DNAJC1: variants seen among roughly 807,000 people sequenced by gnomAD.
DNAJC1 encodes dnaJ homolog subfamily C member 1.
A neutral mutation model predicts 76.6 loss-of-function variants in DNAJC1; 58 were observed. That is an observed-to-expected ratio of 0.76 (90% confidence interval 0.61 to 0.94). The LOEUF is 0.94. DNAJC1 is among the 40% of genes least tolerant of loss of function. The pLI is 0.00. For synonymous variants in DNAJC1, 258 were observed against 267.9 expected (o/e 0.96, Z 0.36); for missense variants, 689 against 677.3 (o/e 1.02, Z -0.19).
chr10:21,826,593 A>G (rs1040499899), intron 8 of DNAJC1, among the ~76,000 whole-genome samples: 1 of 152,218 alleles, frequency 6.6e-6, no homozygotes, highest in East Asian at 1.9e-4. Flanking sequence ...AATGTCAAGA[A>G]GCTTTCCTTC....
chr10:21,876,823 C>G (rs2131715886), intron 8 of DNAJC1, among the ~76,000 whole-genome samples: 1 of 152,182 alleles, frequency 6.6e-6, no homozygotes, highest in South Asian at 2.1e-4. Context: ...TTGTAGCAGG[C>G]CAAGGGTTTG....
At chr10:21,979,947 A>G (rs1838126562) in intron 1 of DNAJC1, among the ~76,000 whole-genome samples, 1 of 151,900 alleles carries the variant, frequency 6.6e-6, no homozygotes. Context: ...CAAAAGTCCT[A>G]TGACTTTTGC....
chr10:21,823,457 CTAACT>C (rs1835192214), intron 8 of DNAJC1, among the ~76,000 whole-genome samples: 1 of 152,092 alleles, frequency 6.6e-6, no homozygotes, highest in South Asian at 2.1e-4. Context: ...GTGTTTTTTC[CTAACT>C]TAACATTTAG....
intron 9 of DNAJC1, among the ~76,000 whole-genome samples, chr10:21,786,920 AG>A (rs1834618863): frequency 6.6e-6 from 1 of 152,220 alleles, no homozygotes; most frequent in South Asian, 2.1e-4. Flanking sequence ...TTTACAATAA[AG>A]GAGGGAGTAT....
chr10:21,990,488 C>T (rs1341370984), intron 1 of DNAJC1, among the ~76,000 whole-genome samples: 1 of 152,106 alleles, frequency 6.6e-6, no homozygotes, highest in African/African-American at 2.4e-5. Context: ...TTCAGGGGTA[C>T]TCCAGAAGAC....
At chr10:21,860,575 C>T (rs1835904366) in intron 8 of DNAJC1, among the ~76,000 whole-genome samples, 1 of 151,878 alleles carries the variant, frequency 6.6e-6, no homozygotes, top group African/African-American at 2.4e-5. Flanking sequence ...GCACCTGTAA[C>T]CTCAGCTACT....
At chr10:21,800,272 T>C (rs1464014036) in intron 9 of DNAJC1, among the ~76,000 whole-genome samples, 1 of 152,158 alleles carries the variant, frequency 6.6e-6, no homozygotes, top group Non-Finnish European at 1.5e-5. Context: ...AAAAATGTAG[T>C]GTTTGGTTTT....
rs1837175676 is a variant in DNAJC1 at position 21,929,058 on chromosome 10, T to C, written c.306A>G (p.Ala102=). The C allele has an allele frequency of 6.2e-7, 1 of 1,608,758 alleles. No homozygotes were observed. The highest frequency in any genetic ancestry group is 8.5e-7 in the Non-Finnish European group (1 of 1,177,630). Reference sequence around the variant, plus strand: ...CACTTACTTGTCTAAACTGAGTTTCTGCATTTTCATCTTTATTCTTGTCTG... The same window carrying C: ...CACTTACTTGTCTAAACTGAGTTTCCGCATTTTCATCTTTATTCTTGTCTG... ...LHPDKNKDEN[A]ETQFRQLVAI... The change falls in exon 2 of 12, where the codon GCA becomes GCG. Residue 102 remains alanine, a synonymous_variant. Transcript: ENST00000376980.
At chr10:21,828,961 T>C (rs1203780334) in intron 8 of DNAJC1, among the ~76,000 whole-genome samples, 2 of 152,208 alleles carry the variant, frequency 1.3e-5, no homozygotes, top group African/African-American at 4.8e-5. Context: ...TTTCTTGCCA[T>C]GTATAAAGCT....
At chr10:21,776,135 C>G (rs1673872728) in intron 9 of DNAJC1, among the ~76,000 whole-genome samples, 1 of 152,048 alleles carries the variant, frequency 6.6e-6, no homozygotes, top group African/African-American at 2.4e-5. Flanking sequence ...CTGTAGGTTG[C>G]ATTCCCTCTA....
intron 8 of DNAJC1, among the ~76,000 whole-genome samples, chr10:21,839,199 G>T (rs190450384): frequency 0.012 from 1,772 of 152,240 alleles, 13 homozygotes; most frequent in Middle Eastern, 0.02. Context: ...AACTAGAAAA[G>T]CAAGAGCAAA....
chr10:21,845,863 C>CTT (rs1408018611), intron 8 of DNAJC1, among the ~76,000 whole-genome samples: 1 of 151,692 alleles, frequency 6.6e-6, no homozygotes, highest in African/African-American at 2.4e-5. Context: ...TAATATGCCC[C>CTT]CAGGAAGAAG....
chr10:21,796,900 T>A (rs898742667), intron 9 of DNAJC1, among the ~76,000 whole-genome samples: 1 of 152,208 alleles, frequency 6.6e-6, no homozygotes, highest in Non-Finnish European at 1.5e-5. Context: ...ATGGTTTGTC[T>A]CTTCACTCTG....
chr10:21,761,549 T>TA (rs369792978), intron 10 of DNAJC1, among the ~76,000 whole-genome samples: 86,137 of 131,262 alleles, frequency 0.66, 28,092 homozygotes, highest in East Asian at 0.92. Context: ...AGACTCCGTC[T>TA]AAAAAAAAAA....
rs867926587 is a variant in DNAJC1 at position 21,813,210 on chromosome 10, C to A, written c.979-7111G>T. ...TCTCTCTCTCTCTCTCTCTCTCTCT[C>A]TCTCTCTCTCTATATATATATATAT... is the stretch of plus-strand genomic sequence containing the variant. On this transcript the variant is annotated intron_variant, in intron 8 of 11. Transcript: ENST00000376980. Among the ~76,000 whole-genome samples the A allele has an allele frequency of 6.2e-3, 377 of 61,252 alleles. 6 individuals carry two copies. The highest frequency in any genetic ancestry group is 0.02 in the African/African-American group (190 of 9,534). 40.2% of individuals were successfully genotyped at this position (61,252 alleles called of 152,430 possible).
chr10:21,854,085 A>G lies in DNAJC1; in HGVS notation c.978+28197T>C, dbSNP rs552392705. Among the ~76,000 whole-genome samples, 77 of 152,234 alleles carry G rather than the reference A, an allele frequency of 5.1e-4. 1 individual carries two copies. Among genetic ancestry groups the G allele is most frequent in the African/African-American group, 1.8e-3 (76 of 41,572 alleles). On this transcript the variant is annotated intron_variant, in intron 8 of 11. Transcript: ENST00000376980. Reference sequence around the variant, plus strand: ...AACTCAATTTAATTACATTTACCCTATAGACACTACAGTGGATACAAAGAT... The same window carrying G: ...AACTCAATTTAATTACATTTACCCTGTAGACACTACAGTGGATACAAAGAT...
intron 8 of DNAJC1, among the ~76,000 whole-genome samples, chr10:21,839,212 C>T (rs1189434903): frequency 6.6e-6 from 1 of 152,102 alleles, no homozygotes; most frequent in Non-Finnish European, 1.5e-5. Context: ...AGAGCAAACA[C>T]ATTCAAAAGC....
chr10:21,765,018 T>C (rs367646115), intron 10 of DNAJC1, among the ~76,000 whole-genome samples: 155 of 152,312 alleles, frequency 1.0e-3, no homozygotes, highest in African/African-American at 3.0e-3. Context: ...TCCAGGAAGA[T>C]CTACGTCAGT....
intron 1 of DNAJC1, among the ~76,000 whole-genome samples, chr10:21,974,981 ATAT>A (rs1486790656): frequency 3.3e-5 from 5 of 152,088 alleles, no homozygotes; most frequent in South Asian, 2.1e-4. Context: ...TAACAATATC[ATAT>A]TATGTTTATG....
Sources: allele counts gnomAD v4.1 joint callset (sites outside exome capture counted in the v4.1 genomes callset), GRCh38; gene constraint gnomAD v4.1.1; transcripts MANE v1.5; gene names NCBI Gene and HGNC (gene_info 2026-07-23, HGNC 2026-07-21).